The following PDE4D variants were observed in gnomAD, a reference collection of about 807,000 sequenced individuals.
PDE4D encodes phosphodiesterase 4D.
PDE4D carries 24 observed loss-of-function variants against 87.4 expected under a neutral mutation model. The ratio of observed to expected loss-of-function variants is 0.27; its 90% CI spans 0.20 to 0.39. PDE4D has a LOEUF of 0.39. Ranked by LOEUF, PDE4D falls within the 10% of genes least tolerant of loss-of-function variation. The pLI is 1.00. For missense variants in PDE4D, 714 were observed against 1,041.0 expected (o/e 0.69, Z 4.32); for synonymous variants, 384 against 383.2 (o/e 1.00, Z -0.02).
intron 1 of PDE4D, among the ~76,000 whole-genome samples, chr5:59,618,884 T>C (rs1403611968): frequency 3.3e-5 from 5 of 152,134 alleles, no homozygotes; most frequent in African/African-American, 1.2e-4. Flanking sequence ...GCCCTCTCAC[T>C]TTCCGCCATA....
chr5:59,039,426 G>A (rs1207685768), intron 5 of PDE4D: 4 of 994,026 alleles, frequency 4.0e-6, no homozygotes, highest in Non-Finnish European at 4.8e-6. Context: ...ACCCGGAGCC[G>A]CGGCCCCACG....
intron 5 of PDE4D, among the ~76,000 whole-genome samples, chr5:59,095,218 T>C (rs781463113): frequency 2.6e-4 from 40 of 151,790 alleles, no homozygotes; most frequent in Admixed American, 1.9e-3. Flanking sequence ...CGATCTTGTA[T>C]GACAAAGTAG....
intron 1 of PDE4D, among the ~76,000 whole-genome samples, chr5:59,652,786 A>G (rs1376076556): frequency 1.3e-5 from 2 of 152,028 alleles, no homozygotes; most frequent in East Asian, 3.8e-4. Flanking sequence ...TCAACACTCA[A>G]TTCAGATCTT....
At chr5:59,381,229 A>C (rs983016227) in intron 1 of PDE4D, among the ~76,000 whole-genome samples, 4 of 152,138 alleles carry the variant, frequency 2.6e-5, no homozygotes, top group African/African-American at 9.7e-5. Flanking sequence ...ACCATTTGTT[A>C]ATTTTTATTT....
chr5:60,352,886 A>T (rs1000253744), intron 1 of PDE4D, among the ~76,000 whole-genome samples: 1 of 152,210 alleles, frequency 6.6e-6, no homozygotes, highest in Non-Finnish European at 1.5e-5. Context: ...TACTCCCACA[A>T]ATGTCCATGA....
chr5:60,353,934 T>C (rs1042822583), intron 1 of PDE4D, among the ~76,000 whole-genome samples: 1 of 152,124 alleles, frequency 6.6e-6, no homozygotes, highest in Admixed American at 6.6e-5. Context: ...ATTCACGGGA[T>C]CATATTTAAG....
chr5:60,041,887 A>G (rs894339501), intron 2 of PDE4D, among the ~76,000 whole-genome samples: 1 of 148,686 alleles, frequency 6.7e-6, no homozygotes, highest in Non-Finnish European at 1.5e-5. Flanking sequence ...GTTTGGGCAG[A>G]CACCGAGCTA....
chr5:58,989,027 G>A (rs1452496738), intron 10 of PDE4D, among the ~76,000 whole-genome samples: 2 of 152,220 alleles, frequency 1.3e-5, no homozygotes, highest in South Asian at 2.1e-4. Flanking sequence ...AACTCTTTGC[G>A]TGGGAGGCTG....
At chr5:59,557,641 A>C in intron 1 of PDE4D, among the ~76,000 whole-genome samples, 1 of 152,220 alleles carries the variant, frequency 6.6e-6, no homozygotes. Flanking sequence ...AGTTCACACT[A>C]ACAACTGTAG....
Position 59,384,683 on chromosome 5 carries a change from T to G in PDE4D, c.456-168715A>C, listed in dbSNP as rs139081688. Among the ~76,000 whole-genome samples, 20 of 152,252 alleles carry G rather than the reference T, an allele frequency of 1.3e-4. No individual in the cohort carries two copies. In the East Asian group the frequency reaches 3.5e-3, roughly 26 times the overall value. On this transcript the variant is annotated intron_variant, in intron 1 of 14. Transcript: ENST00000340635. The stretch of plus-strand genomic sequence containing the variant: ...AAACAGTCTGCAAAACTATACTATA[T>G]ATATTCATTGTGAATGCTCTTTCTC...
At chr5:59,625,961 G>A (rs775907446) in intron 1 of PDE4D, among the ~76,000 whole-genome samples, 14 of 152,102 alleles carry the variant, frequency 9.2e-5, no homozygotes, top group Admixed American at 2.0e-4. Context: ...GGTGGCGGGC[G>A]CCTGTAGTCC....
At chr5:60,264,086 A>C (rs1472440405) in intron 1 of PDE4D, among the ~76,000 whole-genome samples, 1 of 152,142 alleles carries the variant, frequency 6.6e-6, no homozygotes, top group African/African-American at 2.4e-5. Context: ...CCCAGAAACC[A>C]GATGTGAACT....
chr5:59,729,392 C>T (rs988316961), intron 1 of PDE4D, among the ~76,000 whole-genome samples: 7 of 151,994 alleles, frequency 4.6e-5, no homozygotes, highest in African/African-American at 1.4e-4. Context: ...ATTAGAAGCA[C>T]GATTCATTAT....
At position 59,770,731 on chromosome 5, in the gene PDE4D, A is replaced by T. The variant is rs529152061; in HGVS notation, c.455+122437T>A. On this transcript the variant is annotated intron_variant, in intron 1 of 14. Transcript: ENST00000340635. ...GTATTAAACTGAAATGGCAAAAAAA[A>T]ATATTTTAGAAAAAATCTCTAGTTT... Among the ~76,000 whole-genome samples the T allele has an allele frequency of 7.2e-4, 109 of 152,272 alleles. 1 individual carries two copies. The highest frequency in any genetic ancestry group is 3.4e-3 in the Middle Eastern group (1 of 294).
At chr5:60,127,415 G>C (rs1406283340) in intron 2 of PDE4D, among the ~76,000 whole-genome samples, 3 of 152,156 alleles carry the variant, frequency 2.0e-5, no homozygotes, top group African/African-American at 7.2e-5. Flanking sequence ...GATTGGATGA[G>C]GGGCAAGAGC....
chr5:59,599,647 T>C (rs1033817097), intron 1 of PDE4D, among the ~76,000 whole-genome samples: 1 of 152,154 alleles, frequency 6.6e-6, no homozygotes, highest in Non-Finnish European at 1.5e-5. Context: ...ATCCAGAAAT[T>C]AGAATGTCCA....
intron 1 of PDE4D, among the ~76,000 whole-genome samples, chr5:59,877,402 A>G (rs1347751688): frequency 6.6e-6 from 1 of 151,294 alleles, no homozygotes; most frequent in East Asian, 1.9e-4. Flanking sequence ...ATACATGTTC[A>G]TAAGTGCAGC....
chr5:59,528,489 C>T (rs1243598650), intron 1 of PDE4D, among the ~76,000 whole-genome samples: 2 of 152,028 alleles, frequency 1.3e-5, no homozygotes, highest in Non-Finnish European at 2.9e-5. Context: ...TAAGTCAAGC[C>T]CTTTTAGTTA....
chr5:59,005,966 A>G (rs559224680), intron 6 of PDE4D, among the ~76,000 whole-genome samples: 5 of 152,184 alleles, frequency 3.3e-5, no homozygotes, highest in Non-Finnish European at 7.4e-5. Context: ...CATGGTTACT[A>G]TCACCATGGT....
Sources: gnomAD v4.1 joint callset for allele counts (sites outside exome capture counted in the v4.1 genomes callset) on GRCh38, gnomAD v4.1.1 for gene constraint, MANE v1.5 for transcripts, NCBI Gene and HGNC (gene_info 2026-07-23, HGNC 2026-07-21) for gene names.